Variants in GCNT1 observed in about 807,000 individuals in gnomAD.
GCNT1 encodes the protein glucosaminyl (N-acetyl) transferase 1.
A neutral mutation model predicts 26.2 loss-of-function variants in GCNT1; 16 were observed. The observed-to-expected ratio is 0.61, with a 90% CI of 0.41 to 0.93. The LOEUF is 0.93. GCNT1 is among the 40% of genes least tolerant of loss of function. GCNT1 has a pLI of 0.00. For synonymous variants in GCNT1, 183 were observed against 190.8 expected, an observed-to-expected ratio of 0.96 and a Z score of 0.34; for missense variants, 477 against 526.7, an observed-to-expected ratio of 0.91 and a Z score of 0.92.
intron 2 of GCNT1, among the ~76,000 whole-genome samples, chr9:76,472,894 G>A (rs1050869944): frequency 1.4e-4 from 22 of 151,838 alleles, no homozygotes; most frequent in African/African-American, 4.3e-4. Flanking sequence ...GATTACAGGC[G>A]CCTGCCACCA....
chr9:76,443,226 C>T (rs937516137), intron 1 of GCNT1, among the ~76,000 whole-genome samples: 16 of 152,130 alleles, frequency 1.1e-4, no homozygotes, highest in Admixed American at 7.2e-4. Flanking sequence ...GAGACCCTAA[C>T]CCAGTGGTGC....
the GCNT1 span, chr9:76,394,389 G>A: frequency 4.1e-6 from 2 of 489,856 alleles, no homozygotes; most frequent in Non-Finnish European, 7.2e-6. Context: ...GAGGAGCTGC[G>A]TCTCCGCTGG....
chr9:76,496,463 G>A (rs1188018151), intron 2 of GCNT1, among the ~76,000 whole-genome samples: 5 of 152,104 alleles, frequency 3.3e-5, no homozygotes, highest in East Asian at 3.9e-4. Context: ...GTTTCCTCTC[G>A]TCCATCTGCT....
At chr9:76,399,419 A>G in the GCNT1 span, 25,300 of 1,498,832 alleles carry the variant, frequency 0.017, 319 homozygotes, top group South Asian at 0.043. Flanking sequence ...GTTCACTGCT[A>G]CTCAGCCTGA....
chr9:76,504,932 G>A lies in GCNT1; in HGVS notation c.*1264G>A, dbSNP rs1340740843. ...GGACAGATTTTTTTTTTTGTTTTTG[G>A]TATCATTCACAGCATACGATTTTTA... On this transcript the variant is annotated 3_prime_UTR_variant, in exon 4 of 4. Coordinates refer to ENST00000376730, the MANE Select transcript of GCNT1 (RefSeq NM_001490.5). 4.1e-5 allele frequency: 17 copies of A among 412,812 alleles called. No homozygotes were observed. The East Asian group carries it at 6.1e-4, about 15-fold the overall frequency. 25.6% of individuals were successfully genotyped at this position (412,812 alleles called of 1,614,324 possible).
intron 1 of GCNT1, among the ~76,000 whole-genome samples, chr9:76,447,300 C>T (rs183346035): frequency 6.6e-6 from 1 of 151,264 alleles, no homozygotes; most frequent in Non-Finnish European, 1.5e-5. Context: ...AGTGCAGTGG[C>T]TTGATCACCA....
chr9:76,457,665 C>T (rs138911894), upstream of GCNT1, among the ~76,000 whole-genome samples: 674 of 152,272 alleles, frequency 4.4e-3, 4 homozygotes, highest in Non-Finnish European at 7.6e-3. Context: ...AATTTCAAGT[C>T]ACCAAAAAAG....
intron 1 of GCNT1, among the ~76,000 whole-genome samples, chr9:76,431,035 G>T (rs1823330765): frequency 6.6e-6 from 1 of 152,136 alleles, no homozygotes. Context: ...AAGAATGAAA[G>T]AATATATATT....
intron 2 of GCNT1, among the ~76,000 whole-genome samples, chr9:76,485,155 ATTGT>A (rs952770885): frequency 2.6e-5 from 4 of 151,000 alleles, no homozygotes; most frequent in African/African-American, 7.3e-5. Context: ...ATTTTTTCAT[ATTGT>A]TTGTTTATTA....
intron 2 of GCNT1, among the ~76,000 whole-genome samples, chr9:76,485,745 T>A (rs1824555285): frequency 6.6e-6 from 1 of 152,048 alleles, no homozygotes; most frequent in Non-Finnish European, 1.5e-5. Context: ...CCTTTTTTTT[T>A]TTTGAGACAA....
chr9:76,478,251 C>G (rs7032475), intron 2 of GCNT1, among the ~76,000 whole-genome samples: 2 of 152,100 alleles, frequency 1.3e-5, no homozygotes, highest in African/African-American at 4.8e-5. Context: ...TCTTTGCGTC[C>G]GCACTACCTT....
In GCNT1 at chr9:76,503,591, G is replaced by T. The variant is rs761199284; in HGVS notation, c.1210G>T (p.Val404Leu). The change falls in exon 4 of 4, where the codon GTG (valine) becomes TTG (leucine). Residue 404 changes from valine to leucine, a missense_variant. Coordinates refer to ENST00000376730, the MANE Select transcript of GCNT1 (RefSeq NM_001490.5). ...CCACTTGTTTGCCAATAAGTTTGAC[G>T]TGGATGTTGACCTCTTTGCCATCCA... is the stretch of plus-strand genomic sequence containing the variant. ...KHHLFANKFDVDVDLFAIQCL... is the reference protein window; with the variant it reads ...KHHLFANKFDLDVDLFAIQCL... 8 of 1,614,022 alleles carry T rather than the reference G, an allele frequency of 5.0e-6. No individual in the cohort carries two copies. The highest frequency in any genetic ancestry group is 1.6e-4 in the Middle Eastern group (1 of 6,084).
intron 2 of GCNT1, among the ~76,000 whole-genome samples, chr9:76,487,571 T>C (rs1824613293): frequency 6.6e-6 from 1 of 152,180 alleles, no homozygotes; most frequent in African/African-American, 2.4e-5. Flanking sequence ...TTTTGTCTTC[T>C]TGAAGATGTC....
chr9:76,484,452 A>G (rs1363925272), intron 2 of GCNT1, among the ~76,000 whole-genome samples: 2 of 152,156 alleles, frequency 1.3e-5, no homozygotes, highest in African/African-American at 4.8e-5. Flanking sequence ...TTATTTTAAC[A>G]TAAGTAATTT....
chr9:76,503,451 A>C lies in GCNT1; in HGVS notation c.1070A>C (p.Gln357Pro), dbSNP rs746908922. ...MQAVARFVKWQYFEGDVSKGA... is the reference protein window; with the variant it reads ...MQAVARFVKWPYFEGDVSKGA... ...GCAGTTGCCAGGTTTGTCAAGTGGC[A>C]GTACTTTGAGGGTGATGTTTCCAAG... Residue 357 changes from glutamine (Q) to proline (P), a missense_variant, in exon 4 of 4, where the codon CAG (glutamine) becomes CCG (proline). By Grantham distance (76) the Gln-to-Pro change is moderately conservative. Transcript: ENST00000376730. 4 of 1,614,152 alleles carry C rather than the reference A, an allele frequency of 2.5e-6. No homozygotes were observed. The highest frequency in any genetic ancestry group is 1.1e-5 in the South Asian group (1 of 91,084).
At chr9:76,483,595 C>G (rs1824482852) in intron 2 of GCNT1, among the ~76,000 whole-genome samples, 1 of 151,856 alleles carries the variant, frequency 6.6e-6, no homozygotes, top group African/African-American at 2.4e-5. Flanking sequence ...TTAAATTTTT[C>G]TTGTTTTTGT....
chr9:76,487,788 G>T (rs908231259), intron 2 of GCNT1, among the ~76,000 whole-genome samples: 1 of 152,180 alleles, frequency 6.6e-6, no homozygotes, highest in Non-Finnish European at 1.5e-5. Context: ...AGGCTGGAGT[G>T]CAGTGGTGCG....
rs563642678 is a variant in GCNT1, at chr9:76,501,922, T to A, written c.-143-317T>A. On this transcript the variant is annotated intron_variant, in intron 3 of 3. Coordinates refer to ENST00000376730, the MANE Select transcript of GCNT1 (RefSeq NM_001490.5). The stretch of plus-strand genomic sequence containing the variant: ...CCAACTATGGTTTTGCACCTCAACA[T>A]ACCAAAGAGGTAAAATGCTTGTTGT... The A allele has an allele frequency of 1.2e-4, 19 of 152,434 alleles. No individual in the cohort carries two copies. The South Asian group carries it at 3.9e-3, about 32-fold the overall frequency. The allele number at this position is 152,434 out of a possible 1,614,324, so 9.4% of individuals were successfully genotyped here. A position where few individuals can be genotyped will look rare whatever the true frequency, so the allele number is the denominator to read the frequency against.
At position 76,506,395 on chromosome 9, in the gene GCNT1, T is replaced by C. The variant is rs930688993; in HGVS notation, c.*2727T>C. On this transcript the variant is annotated 3_prime_UTR_variant, in exon 4 of 4. Transcript: ENST00000376730. ...CTCTACTGAAAATAGAAAAAAAAAA[T>C]TAGCCAGGCTTGCACCTGTAATCCC... The C allele has an allele frequency of 1.2e-5, 2 of 165,826 alleles. No individual in the cohort carries two copies. Among genetic ancestry groups the C allele is most frequent in the Non-Finnish European group, 2.9e-5 (2 of 67,916 alleles). 10.3% of individuals were successfully genotyped at this position (165,826 alleles called of 1,614,324 possible).
Sources: gnomAD v4.1 joint callset for allele counts (sites outside exome capture counted in the v4.1 genomes callset) on GRCh38, gnomAD v4.1.1 for gene constraint, MANE v1.5 for transcripts, NCBI Gene and HGNC (gene_info 2026-07-23, HGNC 2026-07-21) for gene names.